The following COG4 variants were observed in gnomAD, a reference collection of about 807,000 sequenced individuals.
COG4 encodes the protein conserved oligomeric Golgi complex subunit 4.
In COG4, 65 loss-of-function variants were observed where a neutral mutation model predicts 95.1. The observed-to-expected ratio is 0.68, with a 90% CI of 0.56 to 0.84. The LOEUF (loss-of-function observed/expected upper bound fraction) is 0.84. COG4 is among the 40% of genes least tolerant of loss of function. COG4 has a pLI of 0.00. For missense variants in COG4, 1,045 were observed against 989.1 expected (o/e 1.06, Z -0.76); for synonymous variants, 421 against 374.8 (o/e 1.12, Z -1.42).
chr16:70,510,468 G>A lies in COG4; in HGVS notation c.739-447C>T, dbSNP rs796923737. Among the ~76,000 whole-genome samples, 56 of 152,266 alleles carry A rather than the reference G, an allele frequency of 3.7e-4. 1 individual carries two copies. Among genetic ancestry groups the A allele is most frequent in the African/African-American group, 1.3e-3 (52 of 41,544 alleles). ...CTCCTGAGTAGCTGGAACTATAGGC[G>A]AGAGCCACCATGCCCGGCTAATTTT... On this transcript the variant is annotated intron_variant, in intron 5 of 18. Transcript: ENST00000323786.
Position 70,496,257 on chromosome 16 carries a change from G to A in COG4, c.1647+9C>T, listed in dbSNP as rs778924738. ...AACCAACCCAGCTCGTGAGCTGTGGGGTACCTACCAGGAAGGACATCTTCG... is the reference window on the plus strand; with the variant it reads ...AACCAACCCAGCTCGTGAGCTGTGGAGTACCTACCAGGAAGGACATCTTCG... On this transcript the variant is annotated intron_variant, in intron 12 of 18. Coordinates refer to ENST00000323786, the MANE Select transcript of COG4 (RefSeq NM_015386.3). The A allele has an allele frequency of 8.7e-6, 14 of 1,613,968 alleles. No homozygotes were observed. In the South Asian group the frequency reaches 1.2e-4, roughly 14 times the overall value.
intron 3 of COG4, among the ~76,000 whole-genome samples, chr16:70,516,537 C>T (rs979051552): frequency 6.6e-6 from 1 of 152,160 alleles, no homozygotes; most frequent in African/African-American, 2.4e-5. Flanking sequence ...ACCTTGTGAT[C>T]TGTCCGCCTT....
chr16:70,520,402 T>G (rs1263662032), intron 1 of COG4, among the ~76,000 whole-genome samples: 16 of 77,144 alleles, frequency 2.1e-4, no homozygotes, highest in Admixed American at 2.3e-4. Flanking sequence ...GAGCTTGCAG[T>G]GAGCCGAGAT....
At chr16:70,482,412 T>C (rs1278368649) in intron 15 of COG4, 1 of 619,734 alleles carries the variant, frequency 1.6e-6, no homozygotes, top group Non-Finnish European at 2.9e-6. Context: ...TTTTATTCCT[T>C]CTTGGATCTC....
chr16:70,489,258 G>A (rs1292600525), intron 13 of COG4, among the ~76,000 whole-genome samples: 2 of 145,846 alleles, frequency 1.4e-5, no homozygotes, highest in African/African-American at 2.5e-5. Flanking sequence ...TCCCTCTGTC[G>A]CCCAGGCTGG....
intron 4 of COG4, 118 bp from the exon 5 acceptor site, chr16:70,512,550 G>C (rs2049731308): frequency 4.8e-6 from 4 of 828,774 alleles, no homozygotes; most frequent in Admixed American, 4.0e-5. Context: ...CCATGTGCAA[G>C]ATGCTGTGCT....
chr16:70,492,988 A>C (rs2049275687), intron 12 of COG4, among the ~76,000 whole-genome samples: 1 of 152,192 alleles, frequency 6.6e-6, no homozygotes, highest in African/African-American at 2.4e-5. Flanking sequence ...GCATGGGGCA[A>C]AATTATTAAG....
rs1397104192 is a variant in COG4, at chr16:70,508,696, T to C, written c.1003-232A>G. Reference sequence around the variant, plus strand: ...TTACTGTGCTTAAAAGTCATGCTAATGGTGTTCCAATAGACTACTGTTTAT... The same window carrying C: ...TTACTGTGCTTAAAAGTCATGCTAACGGTGTTCCAATAGACTACTGTTTAT... On this transcript the variant is annotated intron_variant, in intron 7 of 18. Transcript: ENST00000323786. The C allele has an allele frequency of 1.1e-5, 7 of 658,268 alleles. No individual in the cohort carries two copies. The Admixed American group carries it at 1.5e-4, about 14-fold the overall frequency. 40.8% of individuals were successfully genotyped at this position (658,268 alleles called of 1,614,324 possible).
intron 8 of COG4, 64 bp downstream of exon 8, chr16:70,508,342 G>T: frequency 1.5e-6 from 2 of 1,351,918 alleles, no homozygotes; most frequent in South Asian, 1.2e-5. Flanking sequence ...AGAGTAGTCT[G>T]AATTATATTA....
chr16:70,513,338 C>A (rs2049750864), intron 4 of COG4, among the ~76,000 whole-genome samples: 1 of 152,118 alleles, frequency 6.6e-6, no homozygotes, highest in South Asian at 2.1e-4. Context: ...GGCAATATGG[C>A]CAAGTGCAAA....
chr16:70,506,577 C>T, intron 8 of COG4, among the ~76,000 whole-genome samples: 1 of 113,832 alleles, frequency 8.8e-6, no homozygotes, highest in South Asian at 2.9e-4. Flanking sequence ...GCCTGGGCAA[C>T]AGAGCGAGAC....
intron 4 of COG4, among the ~76,000 whole-genome samples, chr16:70,513,184 C>G (rs2049748026): frequency 2.0e-5 from 3 of 152,146 alleles, no homozygotes. Flanking sequence ...GTAGCATATT[C>G]CTTGGCATAT....
chr16:70,484,554 T>C (rs75927631), intron 13 of COG4, among the ~76,000 whole-genome samples: 4,519 of 152,322 alleles, frequency 0.03, 245 homozygotes, highest in African/African-American at 0.1. Context: ...AGATCATAGC[T>C]AAGGTTTAAG....
chr16:70,493,022 G>A (rs910363547), intron 12 of COG4, among the ~76,000 whole-genome samples: 3 of 152,154 alleles, frequency 2.0e-5, no homozygotes, highest in African/African-American at 7.2e-5. Flanking sequence ...TGGCCATTCA[G>A]AGGAAAGAAC....
At position 70,494,420 on chromosome 16, in the gene COG4, T is replaced by C. The variant is rs114739809; in HGVS notation, c.1647+1846A>G. Among the ~76,000 whole-genome samples the C allele has an allele frequency of 1.9e-3, 291 of 152,268 alleles. 1 individual carries two copies. Among genetic ancestry groups the C allele is most frequent in the African/African-American group, 6.5e-3 (271 of 41,558 alleles). On this transcript the variant is annotated intron_variant, in intron 12 of 18. Transcript: ENST00000323786. ...AAATGAATCAAGGTGACATAAAAAATAGGCCCTGCAATGGGAGTGATGACA... is the reference window on the plus strand; with the variant it reads ...AAATGAATCAAGGTGACATAAAAAACAGGCCCTGCAATGGGAGTGATGACA...
intron 3 of COG4, among the ~76,000 whole-genome samples, chr16:70,517,171 T>C (rs1389595593): frequency 6.6e-6 from 1 of 151,994 alleles, no homozygotes; most frequent in East Asian, 1.9e-4. Context: ...AGTGATGGGA[T>C]TGTAGGTGTT....
rs577841856 is a variant in COG4, at chr16:70,497,518, C to A, written c.1315-131G>T. 1.5e-5 allele frequency: 13 copies of A among 861,780 alleles called. No homozygotes were observed. In the South Asian group the frequency reaches 1.8e-4, roughly 12 times the overall value. The allele number at this position is 861,780 out of a possible 1,614,324, so 53.4% of individuals were successfully genotyped here. ...TCCATGTTTCTCCCAACATGGCGTG[C>A]ATCCTCCTTGTCAAAATAGCTTACT... On this transcript the variant is annotated intron_variant, in intron 10 of 18. Coordinates refer to ENST00000323786, the MANE Select transcript of COG4 (RefSeq NM_015386.3).
At chr16:70,499,723 G>A (rs1427073805) in intron 9 of COG4, among the ~76,000 whole-genome samples, 1 of 152,064 alleles carries the variant, frequency 6.6e-6, no homozygotes, top group African/African-American at 2.4e-5. Flanking sequence ...GCAGTGGCGC[G>A]ATCTTGGCTC....
rs1466071666 is a variant in COG4, at chr16:70,519,652, A to T, written c.251T>A (p.Met84Lys). Residue 84 changes from methionine (M) to lysine (K), a missense_variant, in exon 2 of 19, where the codon ATG becomes AAG. By Grantham distance (95) the Met-to-Lys change is moderately conservative. Coordinates refer to ENST00000323786, the MANE Select transcript of COG4 (RefSeq NM_015386.3). ...IESKMVTLHRMGPNLQLIEGD... is the reference protein window; with the variant it reads ...IESKMVTLHRKGPNLQLIEGD... ...TTGCTGAGATGCACAGACTCACCCC[A>T]TTCGGTGGAGAGTGACCATCTTACT... 3 of 1,609,510 alleles carry T rather than the reference A, an allele frequency of 1.9e-6. No homozygotes were observed. Among genetic ancestry groups the T allele is most frequent in the Admixed American group, 3.3e-5 (2 of 60,000 alleles).
Sources: allele counts gnomAD v4.1 joint callset (sites outside exome capture counted in the v4.1 genomes callset), GRCh38; gene constraint gnomAD v4.1.1; transcripts MANE v1.5; gene names NCBI Gene and HGNC (gene_info 2026-07-23, HGNC 2026-07-21).